The following DLG4 variants were observed in gnomAD, a reference collection of about 807,000 sequenced individuals.
The protein encoded by DLG4 is discs large MAGUK scaffold protein 4.
In DLG4, 7 loss-of-function variants were observed where a neutral mutation model predicts 93.8. That is an observed-to-expected ratio of 0.07 (90% CI 0.04 to 0.14). DLG4 has a LOEUF of 0.14. Ranked by LOEUF, DLG4 falls within the 10% of genes least tolerant of loss-of-function variation. The pLI is 1.00. For synonymous variants in DLG4, 341 were observed against 387.6 expected, an observed-to-expected ratio of 0.88 and a Z score of 1.41; for missense variants, 545 against 992.9, an observed-to-expected ratio of 0.55 and a Z score of 6.06.
chr17:7,202,878 A>T (rs1474996399), intron 8 of DLG4, 25 bp downstream of exon 8: 1 of 1,613,334 alleles, frequency 6.2e-7, no homozygotes, highest in African/African-American at 1.3e-5. Context: ...GTCATGGGGA[A>T]CTTTGGTGTT....
Position 7,204,041 on chromosome 17 carries a change from C to T in DLG4, c.177G>A (p.Gly59=), listed in dbSNP as rs565090441. The change falls in exon 4 of 20, where the codon GGG becomes GGA. Residue 59 remains glycine, a synonymous_variant. Coordinates refer to ENST00000399506, the MANE Select transcript of DLG4 (RefSeq NM_001321075.3). ...ATGTGATTTCCTCGTATTCCATCTC[C>T]CCCTCGGTCCCGTTCACCTGCAACT... The part of the protein sequence containing the change: ...GYELQVNGTE[G]EMEYEEITLE... 1.2e-6 allele frequency: 2 copies of T among 1,610,324 alleles called. No individual in the cohort carries two copies. Among genetic ancestry groups the T allele is most frequent in the East Asian group, 4.5e-5 (2 of 44,770 alleles).
Position 7,202,891 on chromosome 17 carries a change from A to G in DLG4, c.787+12T>C, listed in dbSNP as rs1255188825. Reference sequence around the variant, plus strand: ...GGGTCATGGGGAACTTTGGTGTTTGAAGGGCTCTCACAGGTTGTGATGTCT... The same window carrying G: ...GGGTCATGGGGAACTTTGGTGTTTGGAGGGCTCTCACAGGTTGTGATGTCT... On this transcript the variant is annotated intron_variant, in intron 8 of 19. Coordinates refer to ENST00000399506, the MANE Select transcript of DLG4 (RefSeq NM_001321075.3). 17 of 1,613,724 alleles carry G rather than the reference A, an allele frequency of 1.1e-5. No individual in the cohort carries two copies. The highest frequency in any genetic ancestry group is 1.4e-5 in the Non-Finnish European group (17 of 1,179,750).
intron 2 of DLG4, chr17:7,205,224 A>G (rs1228317010): frequency 2.1e-6 from 2 of 943,114 alleles, no homozygotes; most frequent in Non-Finnish European, 2.5e-6. Flanking sequence ...TATCCCGCTC[A>G]TCTACTCCCT....
At chr17:7,218,061 A>G (rs892103727), upstream of DLG4, among the ~76,000 whole-genome samples, 1 of 151,476 alleles carries the variant, frequency 6.6e-6, no homozygotes, top group African/African-American at 2.4e-5. Flanking sequence ...CGAGGAAGAA[A>G]GGGAGAGTGG....
Position 7,193,421 on chromosome 17 carries a change from TG to T in DLG4, c.1693+61del. 1 of 1,451,190 alleles carries T rather than the reference TG, an allele frequency of 6.9e-7. No individual in the cohort carries two copies. Among genetic ancestry groups the T allele is most frequent in the Non-Finnish European group, 9.2e-7 (1 of 1,087,694 alleles). 89.9% of individuals were successfully genotyped at this position (1,451,190 alleles called of 1,614,324 possible). A position where few individuals can be genotyped will look rare whatever the true frequency, so the allele number is the denominator to read the frequency against. ...GAGGCTCTGCCTATGGCCCCAGGGA[TG>T]GGCCTCCCCTGCCCCACCCCCACTT... is the stretch of plus-strand genomic sequence containing the variant. On this transcript the variant is annotated intron_variant, in intron 16 of 19. Transcript: ENST00000399506. The surrounding 1 kb of genome is among the most constrained non-coding windows in gnomAD (Gnocchi z 6.7).
upstream of DLG4, chr17:7,218,871 T>C (rs1321393523): frequency 1.9e-6 from 3 of 1,613,232 alleles, no homozygotes; most frequent in Admixed American, 5.0e-5. Context: ...CTCACTTTAA[T>C]CTCCCTAATC....
In DLG4 at chr17:7,190,535, G is replaced by C; in HGVS notation, c.*173C>G. The C allele has an allele frequency of 1.6e-6, 1 of 612,300 alleles. No individual in the cohort carries two copies. Among genetic ancestry groups the C allele is most frequent in the Non-Finnish European group, 2.9e-6 (1 of 340,378 alleles). The allele number at this position is 612,300 out of a possible 1,614,324, so 37.9% of individuals were successfully genotyped here. On this transcript the variant is annotated 3_prime_UTR_variant, in exon 20 of 20. Transcript: ENST00000399506. Reference sequence around the variant, plus strand: ...TCAGGAGCCCAGTTCTGGGGTGCGGGGATACATGCAGAGGAGTGTCCCCCC... The same window carrying C: ...TCAGGAGCCCAGTTCTGGGGTGCGGCGATACATGCAGAGGAGTGTCCCCCC...
rs1185703890 is a variant in DLG4 at position 7,194,534 on chromosome 17, G to T, written c.1302-39C>A. The T allele has an allele frequency of 1.4e-5, 22 of 1,568,698 alleles. No individual in the cohort carries two copies. Among genetic ancestry groups the T allele is most frequent in the Non-Finnish European group, 1.9e-5 (22 of 1,157,196 alleles). On this transcript the variant is annotated intron_variant, in intron 11 of 19. Transcript: ENST00000399506. The surrounding 1 kb of genome is among the most constrained non-coding windows in gnomAD (Gnocchi z 4.4). ...GGCTATCGGTCAGAGCCCAGCTGAG[G>T]ACTCCAGGAAGGATGCCCCAGTCAC...
Position 7,187,611 on chromosome 17 carries a change from G to A in DLG4, c.*3097C>T, listed in dbSNP as rs112743512. 0.013 allele frequency among the ~76,000 whole-genome samples: 2,004 copies of A among 151,720 alleles called. 18 individuals are homozygous for A. Among genetic ancestry groups the A allele is most frequent in the African/African-American group, 0.031 (1,262 of 41,308 alleles). ...AATTATGTGATTCTACCCCATCCAG[G>A]TCAAATATGTGATTCTGCCCCTTCT... On this transcript the variant is annotated 3_prime_UTR_variant, in exon 20 of 20. Transcript: ENST00000399506.
At chr17:7,219,782 C>A (rs945354338), upstream of DLG4, 8 of 1,496,886 alleles carry the variant, frequency 5.3e-6, no homozygotes, top group Non-Finnish European at 7.1e-6. Context: ...AGACGAGGGA[C>A]GCTTGGAGAT....
At position 7,203,751 on chromosome 17, in the gene DLG4, T is replaced by C. The variant is rs752388549; in HGVS notation, c.276A>G (p.Pro92=). The change falls in exon 5 of 20, where the codon CCA becomes CCG. Residue 92 remains proline (P), a synonymous_variant. Transcript: ENST00000399506. This position sits in a 1 kb window ranked among gnomAD's most constrained non-coding sequence, Gnocchi z 7.2. ...GTDNPHIGDD[P]SIFITKIIPG... ...GAATGATCTTGGTGATGAAAATGGA[T>C]GGGTCGTCACCGATGTGTGGGTTGT... is the stretch of plus-strand genomic sequence containing the variant. 1.2e-6 allele frequency: 2 copies of C among 1,613,316 alleles called. No individual in the cohort carries two copies. Among genetic ancestry groups the C allele is most frequent in the African/African-American group, 2.7e-5 (2 of 74,744 alleles).
chr17:7,210,660 C>T (rs1022396959), intron 1 of DLG4, among the ~76,000 whole-genome samples: 6 of 152,168 alleles, frequency 3.9e-5, no homozygotes, highest in African/African-American at 1.4e-4. Context: ...AGCCGCTCTC[C>T]GCTATCCACT....
At chr17:7,214,466 G>T (rs1442708151) in intron 1 of DLG4, among the ~76,000 whole-genome samples, 2 of 151,326 alleles carry the variant, frequency 1.3e-5, no homozygotes, top group Non-Finnish European at 2.9e-5. Flanking sequence ...CCCCTGCCTC[G>T]CCCACACTGT....
chr17:7,193,398 G>T lies in DLG4; in HGVS notation c.1693+85C>A. ...CTCCCTACACACCGATCCCCCAGGA[G>T]GCTCTGCCTATGGCCCCAGGGATGG... On this transcript the variant is annotated intron_variant, in intron 16 of 19. Coordinates refer to ENST00000399506, the MANE Select transcript of DLG4 (RefSeq NM_001321075.3). The surrounding 1 kb of genome is among the most constrained non-coding windows in gnomAD (Gnocchi z 6.7). The T allele has an allele frequency of 7.5e-7, 1 of 1,329,674 alleles. No homozygotes were observed. The highest frequency in any genetic ancestry group is 1.0e-6 in the Non-Finnish European group (1 of 983,724). 82.4% of individuals were successfully genotyped at this position (1,329,674 alleles called of 1,614,324 possible).
chr17:7,187,305 C>T lies in DLG4; in HGVS notation c.*3403G>A, dbSNP rs1477013237. Among the ~76,000 whole-genome samples the T allele has an allele frequency of 1.4e-4, 4 of 28,808 alleles. No homozygotes were observed. Among genetic ancestry groups the T allele is most frequent in the East Asian group, 7.1e-4 (1 of 1,402 alleles). 18.9% of individuals were successfully genotyped at this position (28,808 alleles called of 152,430 possible). The stretch of plus-strand genomic sequence containing the variant: ...CTGTAATCCTAGCACTTTGGGAGGC[C>T]GAGGGGGGGGGGGGTGGATCACCCG... On this transcript the variant is annotated 3_prime_UTR_variant, in exon 20 of 20. Coordinates refer to ENST00000399506, the MANE Select transcript of DLG4 (RefSeq NM_001321075.3).
In DLG4 at chr17:7,191,537, G is replaced by A; in HGVS notation, c.1977-179C>T. ...ACCACCCCCCACCCCCCTGCCACCC[G>A]CAACCGCCCCAGCCAGGTGTGGCTA... On this transcript the variant is annotated intron_variant, in intron 18 of 19. Transcript: ENST00000399506. The surrounding 1 kb of genome is among the most constrained non-coding windows in gnomAD (Gnocchi z 6.6). 3 of 596,150 alleles carry A rather than the reference G, an allele frequency of 5.0e-6. No homozygotes were observed. In the East Asian group the frequency reaches 8.9e-5, roughly 18 times the overall value. 36.9% of individuals were successfully genotyped at this position (596,150 alleles called of 1,614,324 possible). A position where few individuals can be genotyped will look rare whatever the true frequency, so the allele number is the denominator to read the frequency against.
In DLG4 at chr17:7,203,033, C is replaced by T; in HGVS notation, c.657G>A (p.Gly219=). ...CATCTTCATGCATGACGTCCTCTAG[C>T]CCCACACTGTTGACCTGGAGTCAAG... ...GDKILAVNSV[G]LEDVMHEDAV... The change falls in exon 8 of 20, where the codon GGG becomes GGA. Residue 219 remains glycine, a synonymous_variant. Coordinates refer to ENST00000399506, the MANE Select transcript of DLG4 (RefSeq NM_001321075.3). The surrounding 1 kb of genome is among the most constrained non-coding windows in gnomAD (Gnocchi z 7.2). The T allele has an allele frequency of 3.7e-6, 6 of 1,607,142 alleles. No homozygotes were observed. The highest frequency in any genetic ancestry group is 1.7e-4 in the Middle Eastern group (1 of 6,032).
In DLG4 at chr17:7,211,147, G is replaced by A. The variant is rs538560742; in HGVS notation, c.31-2908C>T. ...GAGGGGTGGGGGTGGGGGCGGGGGA[G>A]AGTAATTCTGAAACTGCAGACTGGG... On this transcript the variant is annotated intron_variant, in intron 1 of 19. Transcript: ENST00000399506. Among the ~76,000 whole-genome samples the A allele has an allele frequency of 1.8e-3, 255 of 139,196 alleles. 1 individual carries two copies. In the South Asian group the frequency reaches 0.023, roughly 12 times the overall value. 91.3% of individuals were successfully genotyped at this position (139,196 alleles called of 152,430 possible).
chr17:7,190,742 G>A lies in DLG4; in HGVS notation c.2141C>T (p.Pro714Leu). Residue 714 changes from proline (P) to leucine (L), a missense_variant, in exon 20 of 20, where the codon CCC (proline) becomes CTC (leucine). Transcript: ENST00000399506. ...CTCTCGGGCTGGAACCCAGATGTAG[G>A]GGCCTGAGAGGTCCTCGATGACACG... ...VKRVIEDLSGPYIWVPARERL is the reference protein window; with the variant it reads ...VKRVIEDLSGLYIWVPARERL 1.2e-6 allele frequency: 2 copies of A among 1,613,740 alleles called. No homozygotes were observed. Among genetic ancestry groups the A allele is most frequent in the Non-Finnish European group, 1.7e-6 (2 of 1,179,748 alleles).
Sources: gnomAD v4.1 joint callset for allele counts (sites outside exome capture counted in the v4.1 genomes callset) on GRCh38, gnomAD v4.1.1 for gene constraint, Gnocchi (gnomAD v3.1) non-coding constraint, MANE v1.5 for transcripts, NCBI Gene and HGNC (gene_info 2026-07-23, HGNC 2026-07-21) for gene names.